Variants in GRK5 observed in about 807,000 individuals in gnomAD.
The protein encoded by GRK5 is G protein-coupled receptor kinase 5, also known as g protein-coupled receptor kinase GRK5.
A neutral mutation model predicts 78.4 loss-of-function variants in GRK5; 40 were observed. That is an observed-to-expected ratio of 0.51 (90% confidence interval 0.40 to 0.66). GRK5 has a LOEUF of 0.66. GRK5 is among the 30% of genes least tolerant of loss of function. The pLI, the probability that GRK5 is intolerant of heterozygous loss-of-function variation, is 0.00. For missense variants in GRK5, 598 were observed against 759.9 expected, an observed-to-expected ratio of 0.79 and a Z score of 2.50; for synonymous variants, 289 against 296.8, an observed-to-expected ratio of 0.97 and a Z score of 0.27.
chr10:119,414,804 G>A (rs1006757886), intron 4 of GRK5, among the ~76,000 whole-genome samples: 1 of 152,128 alleles, frequency 6.6e-6, no homozygotes, highest in African/African-American at 2.4e-5. Flanking sequence ...AATGATGGCC[G>A]GGTGTGGTGA....
chr10:119,318,597 A>G (rs1041319425), intron 1 of GRK5, among the ~76,000 whole-genome samples: 1 of 152,110 alleles, frequency 6.6e-6, no homozygotes, highest in Non-Finnish European at 1.5e-5. Context: ...AGGTGATCAC[A>G]GGGCTCTGGG....
At chr10:119,443,934 C>A (rs533570765) in intron 12 of GRK5, among the ~76,000 whole-genome samples, 182 bp downstream of exon 12, 2 of 152,050 alleles carry the variant, frequency 1.3e-5, no homozygotes, top group Admixed American at 6.6e-5. Context: ...GGGTGGTCAG[C>A]GGAGACTTCC....
At chr10:119,272,451 C>T (rs1323922954) in intron 1 of GRK5, among the ~76,000 whole-genome samples, 2 of 151,718 alleles carry the variant, frequency 1.3e-5, no homozygotes, top group Non-Finnish European at 2.9e-5. Flanking sequence ...TGGCGGGTGA[C>T]TATAATCCCA....
At chr10:119,218,814 G>A (rs776562486) in intron 1 of GRK5, among the ~76,000 whole-genome samples, 1 of 151,908 alleles carries the variant, frequency 6.6e-6, no homozygotes, top group Non-Finnish European at 1.5e-5. Context: ...CATAGTAGGT[G>A]TTCAAAAATA....
At chr10:119,369,311 A>G (rs1851506216) in intron 2 of GRK5, among the ~76,000 whole-genome samples, 1 of 152,218 alleles carries the variant, frequency 6.6e-6, no homozygotes, top group Non-Finnish European at 1.5e-5. Context: ...TAGGCGGAGC[A>G]CAGGTGAGGA....
intron 3 of GRK5, among the ~76,000 whole-genome samples, chr10:119,394,959 C>T (rs1290889932): frequency 6.6e-6 from 1 of 151,062 alleles, no homozygotes; most frequent in Admixed American, 6.7e-5. Flanking sequence ...AGGAATTCAT[C>T]TCTCGAGTCA....
chr10:119,414,699 G>A (rs1852412013), intron 4 of GRK5, among the ~76,000 whole-genome samples: 1 of 152,162 alleles, frequency 6.6e-6, no homozygotes, highest in Non-Finnish European at 1.5e-5. Flanking sequence ...AGGACAGTAA[G>A]AATAATAAAA....
At chr10:119,435,072 C>T (rs1174396215) in intron 8 of GRK5, among the ~76,000 whole-genome samples, 1 of 152,208 alleles carries the variant, frequency 6.6e-6, no homozygotes, top group Non-Finnish European at 1.5e-5. Flanking sequence ...GCAGCTGGGA[C>T]TCAGGGCACT....
intron 1 of GRK5, among the ~76,000 whole-genome samples, chr10:119,282,556 G>T (rs570356882): frequency 6.6e-6 from 1 of 152,248 alleles, no homozygotes; most frequent in Non-Finnish European, 1.5e-5. Context: ...CAGGAGAGGC[G>T]TGTGCTGCGG....
intron 1 of GRK5, 31 bp from the exon 2 acceptor site, chr10:119,326,485 C>G (rs1018535861): frequency 1.3e-6 from 2 of 1,578,834 alleles, no homozygotes; most frequent in African/African-American, 1.3e-5. Context: ...TCTGGAGCCT[C>G]AGCCAGGCAT....
intron 1 of GRK5, among the ~76,000 whole-genome samples, chr10:119,261,198 G>A (rs1358075645): frequency 1.2e-4 from 18 of 144,844 alleles, no homozygotes; most frequent in East Asian, 4.3e-4. Context: ...GCTGCCGGGC[G>A]GAGGGTCTCC....
chr10:119,242,166 A>C (rs1849038229), intron 1 of GRK5, among the ~76,000 whole-genome samples: 1 of 151,946 alleles, frequency 6.6e-6, no homozygotes. Context: ...CTTATGCCAA[A>C]GTGGTATATT....
rs375114185 is a variant in GRK5 at position 119,311,939 on chromosome 10, G to C, written c.53-14577G>C. Among the ~76,000 whole-genome samples the C allele has an allele frequency of 3.0e-3, 407 of 134,842 alleles. 3 individuals carry two copies. The highest frequency in any genetic ancestry group is 0.011 in the African/African-American group (386 of 36,024). The allele number at this position is 134,842 out of a possible 152,430, so 88.5% of individuals were successfully genotyped here. ...ATTTTTTTTTTTTTTTTTTTGAGAC[G>C]GAGTCTCACTCTGTCGCCCAGGCTG... On this transcript the variant is annotated intron_variant, in intron 1 of 15. Coordinates refer to ENST00000392870, the MANE Select transcript of GRK5 (RefSeq NM_005308.3).
intron 2 of GRK5, among the ~76,000 whole-genome samples, chr10:119,376,626 A>T (rs1851625669): frequency 7.2e-6 from 1 of 138,224 alleles, no homozygotes; most frequent in Admixed American, 7.9e-5. Flanking sequence ...GTACAATGGC[A>T]CGATCTTGGC....
chr10:119,440,228 A>G (rs1350992662), intron 10 of GRK5, among the ~76,000 whole-genome samples: 1 of 152,032 alleles, frequency 6.6e-6, no homozygotes, highest in Non-Finnish European at 1.5e-5. Context: ...TTGAGAGGGA[A>G]TTGCTTGTCA....
chr10:119,449,597 C>A (rs1234314239), intron 13 of GRK5, among the ~76,000 whole-genome samples: 1 of 152,052 alleles, frequency 6.6e-6, no homozygotes, highest in Non-Finnish European at 1.5e-5. Context: ...TCGAGACCAG[C>A]CTGACCAACG....
rs115145564 is a variant in GRK5 at position 119,376,880 on chromosome 10, G to A, written c.149-3935G>A. Reference sequence around the variant, plus strand: ...CCGTGCCTGGCCACTACTCCCAAATGTCTTACATAAAGCAGCCTCTTTCTG... The same window carrying A: ...CCGTGCCTGGCCACTACTCCCAAATATCTTACATAAAGCAGCCTCTTTCTG... On this transcript the variant is annotated intron_variant, in intron 2 of 15. Transcript: ENST00000392870. 3.5e-3 allele frequency among the ~76,000 whole-genome samples: 536 copies of A among 152,282 alleles called. 3 individuals carry two copies. The highest frequency in any genetic ancestry group is 0.012 in the African/African-American group (518 of 41,558).
At chr10:119,284,709 G>A (rs756403882) in intron 1 of GRK5, among the ~76,000 whole-genome samples, 17 of 152,236 alleles carry the variant, frequency 1.1e-4, no homozygotes, top group Non-Finnish European at 1.9e-4. Flanking sequence ...GGAAGCATGA[G>A]GAGGTGATGA....
rs1366642195 is a variant in GRK5, at chr10:119,452,892, G to A, written c.1542+84G>A. 2 of 1,442,924 alleles carry A rather than the reference G, an allele frequency of 1.4e-6. No individual in the cohort carries two copies. Among genetic ancestry groups the A allele is most frequent in the Non-Finnish European group, 1.9e-6 (2 of 1,044,638 alleles). The allele number at this position is 1,442,924 out of a possible 1,614,324, so 89.4% of individuals were successfully genotyped here. A position where few individuals can be genotyped will look rare whatever the true frequency, so the allele number is the denominator to read the frequency against. ...AGGAGGCGTCGGGAATATGAGTTTG[G>A]CGGCAGGAGGCTGAGCGCATGGTTT... On this transcript the variant is annotated intron_variant, in intron 14 of 15. Transcript: ENST00000392870. The surrounding 1 kb of genome is among the most constrained non-coding windows in gnomAD (Gnocchi z 4.4).
Sources: gnomAD v4.1 joint callset for allele counts (sites outside exome capture counted in the v4.1 genomes callset) on GRCh38, gnomAD v4.1.1 for gene constraint, Gnocchi (gnomAD v3.1) non-coding constraint, MANE v1.5 for transcripts, NCBI Gene and HGNC (gene_info 2026-07-23, HGNC 2026-07-21) for gene names.